The following MGLL variants were observed in gnomAD, a reference collection of about 807,000 sequenced individuals.
The protein encoded by MGLL is monoglyceride lipase, also known as lysophospholipase homolog.
Under a neutral mutation model 29.1 loss-of-function variants are expected in MGLL, and 7 were observed. The observed-to-expected ratio is 0.24, with a 90% CI of 0.14 to 0.45. The LOEUF (loss-of-function observed/expected upper bound fraction) is 0.45, where lower values mean the gene tolerates loss of function less well. MGLL is among the 20% of genes least tolerant of loss of function. The pLI, the probability that MGLL is intolerant of heterozygous loss-of-function variation, is 0.99. For missense variants in MGLL, 356 were observed against 413.6 expected (o/e 0.86, Z 1.21); for synonymous variants, 148 against 168.3 (o/e 0.88, Z 0.93).
Position 127,730,102 on chromosome 3 carries a change from A to G in MGLL, c.263-7536T>C, listed in dbSNP as rs1278063016. Reference sequence around the variant, plus strand: ...GGCTGTCGTCTTTGACTTTAATTCTATTTCTACATTCAATTGGTCCCCAAG... The same window carrying G: ...GGCTGTCGTCTTTGACTTTAATTCTGTTTCTACATTCAATTGGTCCCCAAG... On this transcript the variant is annotated intron_variant, in intron 3 of 7. Transcript: ENST00000265052. 9.2e-5 allele frequency among the ~76,000 whole-genome samples: 14 copies of G among 152,250 alleles called. No individual in the cohort carries two copies. In the East Asian group the frequency reaches 2.7e-3, roughly 29 times the overall value.
At chr3:127,699,382 G>A (rs2075434832) in intron 6 of MGLL, among the ~76,000 whole-genome samples, 2 of 152,080 alleles carry the variant, frequency 1.3e-5, no homozygotes, top group South Asian at 2.1e-4. Context: ...ATGATGAAAT[G>A]CAATATCAGA....
At chr3:127,749,208 T>G (rs1460098954) in intron 3 of MGLL, among the ~76,000 whole-genome samples, 1 of 152,242 alleles carries the variant, frequency 6.6e-6, no homozygotes, top group South Asian at 2.1e-4. Context: ...TCTCCATGTA[T>G]TCATTCAAAT....
Position 127,692,178 on chromosome 3 carries a change from C to CCGGG in MGLL, c.*16_*19dup, listed in dbSNP as rs1209321002. On this transcript the variant is annotated 3_prime_UTR_variant, in exon 8 of 8. Transcript: ENST00000265052. ...CTGCCTGCATCCCCCAGACCATGAGCCGGGCACCGGCCAATGCATTCAGGG... is the reference window on the plus strand; with the variant it reads ...CTGCCTGCATCCCCCAGACCATGAGCCGGGCGGGCACCGGCCAATGCATTCAGGG... 3.0e-5 allele frequency: 49 copies of CCGGG among 1,607,086 alleles called. No homozygotes were observed. Among genetic ancestry groups the CCGGG allele is most frequent in the Non-Finnish European group, 3.6e-5 (42 of 1,178,402 alleles).
intron 3 of MGLL, chr3:127,736,473 ACTT>A (rs1284685272): frequency 4.3e-5 from 21 of 485,800 alleles, no homozygotes; most frequent in Non-Finnish European, 5.6e-5. Flanking sequence ...TGCCCTGGAG[ACTT>A]CAGCTTCATG....
chr3:127,729,641 A>G (rs2076112187), intron 3 of MGLL, among the ~76,000 whole-genome samples: 1 of 152,186 alleles, frequency 6.6e-6, no homozygotes, highest in Non-Finnish European at 1.5e-5. Context: ...CAAGTCCTTC[A>G]TTGCTTCACT....
chr3:127,783,055 A>T (rs2077155284), intron 2 of MGLL, among the ~76,000 whole-genome samples: 1 of 142,794 alleles, frequency 7.0e-6, no homozygotes, highest in Non-Finnish European at 1.5e-5. Context: ...CACACCTGTA[A>T]TCCCAGCTAT....
chr3:127,692,397 T>C (rs1264387574), intron 7 of MGLL, 74 bp from the exon 8 acceptor site: 16 of 1,582,980 alleles, frequency 1.0e-5, no homozygotes, highest in African/African-American at 1.3e-5. Context: ...CCGTGGGCAG[T>C]GGGCAGGGGT....
chr3:127,812,526 CA>C (rs1157156319), intron 2 of MGLL, among the ~76,000 whole-genome samples: 13 of 152,300 alleles, frequency 8.5e-5, no homozygotes, highest in African/African-American at 3.1e-4. Flanking sequence ...GTGGTGAGGG[CA>C]GCAGTCAGGC....
chr3:127,821,694 T>C lies in MGLL; in HGVS notation c.155A>G (p.Lys52Arg). The C allele has an allele frequency of 6.2e-7, 1 of 1,614,104 alleles. No individual in the cohort carries two copies. The highest frequency in any genetic ancestry group is 1.7e-4 in the Middle Eastern group (1 of 6,058). The stretch of plus-strand genomic sequence containing the variant: ...GGGTGACTTTCTGGGGAAGACTTAC[T>C]TGGGTGTGCCTGTGGGTTTCCAGTA... The part of the protein sequence containing the change: ...CRYWKPTGTP[K>R]ALIFVSHGAG... The change falls in exon 2 of 8, where the codon AAG becomes AGG. Residue 52 changes from lysine (K) to arginine (R), a missense_variant and splice_region_variant. Physicochemically the swap from Lys to Arg is conservative, Grantham distance 26 (BLOSUM62 2). Transcript: ENST00000265052.
At chr3:127,740,546 A>C (rs750052968) in intron 3 of MGLL, among the ~76,000 whole-genome samples, 2 of 152,218 alleles carry the variant, frequency 1.3e-5, no homozygotes, top group African/African-American at 2.4e-5. Context: ...TTCAAGAGAA[A>C]GGAAGGCAGG....
intron 2 of MGLL, among the ~76,000 whole-genome samples, chr3:127,784,740 CTGGATT>C (rs1476100009): frequency 6.6e-6 from 1 of 152,152 alleles, no homozygotes; most frequent in Non-Finnish European, 1.5e-5. Flanking sequence ...TCCTTAGTGT[CTGGATT>C]CAGATCCTGC....
chr3:127,809,521 G>A (rs2077624529), intron 2 of MGLL, among the ~76,000 whole-genome samples: 1 of 152,254 alleles, frequency 6.6e-6, no homozygotes. Flanking sequence ...AGGTACTCAG[G>A]AGGCTGAGGT....
chr3:127,755,167 A>G (rs749974270), intron 3 of MGLL, among the ~76,000 whole-genome samples: 12 of 152,210 alleles, frequency 7.9e-5, no homozygotes, highest in Non-Finnish European at 1.3e-4. Flanking sequence ...CCCAGAGAGA[A>G]AAGGAGAAGA....
At position 127,739,030 on chromosome 3, in the gene MGLL, G is replaced by A. The variant is rs114762946; in HGVS notation, c.263-16464C>T. ...GCCTTCAATTCAGGAGGCACCAGGT[G>A]GAATGAAGGAAATGCCTGTGTCCAT... On this transcript the variant is annotated intron_variant, in intron 3 of 7. Coordinates refer to ENST00000265052, the MANE Select transcript of MGLL (RefSeq NM_007283.7). Among the ~76,000 whole-genome samples the A allele has an allele frequency of 2.0e-3, 301 of 152,288 alleles. 1 individual carries two copies. Among genetic ancestry groups the A allele is most frequent in the African/African-American group, 6.8e-3 (281 of 41,540 alleles).
At position 127,693,693 on chromosome 3, in the gene MGLL, C is replaced by T. The variant is rs183536658; in HGVS notation, c.816+1282G>A. Among the ~76,000 whole-genome samples, 388 of 152,318 alleles carry T rather than the reference C, an allele frequency of 2.5e-3. 6 individuals are homozygous for T. Among genetic ancestry groups the T allele is most frequent in the Non-Finnish European group, 9.8e-4 (67 of 68,034 alleles). On this transcript the variant is annotated intron_variant, in intron 7 of 7. Transcript: ENST00000265052. ...CTGAGTTTCCTTAGGGGCACCGACTCCTCTCCATCATCATCCGTTTCATTT... is the reference window on the plus strand; with the variant it reads ...CTGAGTTTCCTTAGGGGCACCGACTTCTCTCCATCATCATCCGTTTCATTT...
intron 6 of MGLL, among the ~76,000 whole-genome samples, chr3:127,697,258 C>G (rs1393590110): frequency 6.6e-6 from 1 of 152,248 alleles, no homozygotes; most frequent in Non-Finnish European, 1.5e-5. Flanking sequence ...CGCAAAAGAG[C>G]CTGGGGCTTG....
chr3:127,801,114 T>C (rs1226721061), intron 2 of MGLL, among the ~76,000 whole-genome samples: 4 of 147,496 alleles, frequency 2.7e-5, no homozygotes, highest in Admixed American at 6.7e-5. Flanking sequence ...CCAGCCTGAC[T>C]AACATGGTGA....
chr3:127,754,773 C>T (rs957490809), intron 3 of MGLL, among the ~76,000 whole-genome samples: 2 of 152,200 alleles, frequency 1.3e-5, no homozygotes, highest in Non-Finnish European at 2.9e-5. Context: ...TCCCGTGTGC[C>T]TCCCCCGCAG....
In MGLL at chr3:127,732,888, C is replaced by T. The variant is rs1404047228; in HGVS notation, c.263-10322G>A. 2.6e-5 allele frequency among the ~76,000 whole-genome samples: 4 copies of T among 152,134 alleles called. No individual in the cohort carries two copies. In the East Asian group the frequency reaches 7.7e-4, roughly 29 times the overall value. On this transcript the variant is annotated intron_variant, in intron 3 of 7. Coordinates refer to ENST00000265052, the MANE Select transcript of MGLL (RefSeq NM_007283.7). ...CACCATGACTGGGTCTCAGGAGGTT[C>T]AGTGACTTTTCCAGCCCAGGGCTGT...
Sources: allele counts gnomAD v4.1 joint callset (sites outside exome capture counted in the v4.1 genomes callset), GRCh38; gene constraint gnomAD v4.1.1; transcripts MANE v1.5; gene names NCBI Gene and HGNC (gene_info 2026-07-23, HGNC 2026-07-21).